The following LRBA variants were observed in gnomAD, a reference collection of about 807,000 sequenced individuals.
LRBA encodes the protein lipopolysaccharide-responsive and beige-like anchor protein.
In LRBA, 176 loss-of-function variants were observed where a neutral mutation model predicts 330.0. The ratio of observed to expected loss-of-function variants is 0.53; its 90% CI spans 0.47 to 0.60. The LOEUF (loss-of-function observed/expected upper bound fraction) is 0.60, where lower values mean the gene tolerates loss of function less well. Ranked by LOEUF, LRBA falls within the 20% of genes least tolerant of loss-of-function variation. The probability of loss-of-function intolerance (pLI) is 0.00; values close to 1 mark genes in which losing one functional copy is unlikely to be tolerated. For synonymous variants in LRBA, 1,230 were observed against 1,193.0 expected, an observed-to-expected ratio of 1.03 and a Z score of -0.64; for missense variants, 3,259 against 3,444.8, an observed-to-expected ratio of 0.95 and a Z score of 1.35.
intron 54 of LRBA, 73 bp from the exon 55 acceptor site, chr4:150,282,719 A>C: frequency 9.4e-7 from 1 of 1,060,520 alleles, no homozygotes. Context: ...TCTTGAGCAC[A>C]GATCAAACAG....
intron 2 of LRBA, among the ~76,000 whole-genome samples, chr4:150,952,443 A>C (rs753661264): frequency 1.8e-4 from 28 of 152,220 alleles, no homozygotes; most frequent in Non-Finnish European, 3.2e-4. Context: ...TTAGACAGTC[A>C]GTCTTTCATT....
chr4:150,647,857 T>A (rs950267857), intron 37 of LRBA, among the ~76,000 whole-genome samples: 1 of 151,938 alleles, frequency 6.6e-6, no homozygotes, highest in Admixed American at 6.6e-5. Flanking sequence ...TGGTTTATCA[T>A]ATTATATCAG....
At chr4:150,295,194 C>CTTTTT (rs146893381) in intron 53 of LRBA, among the ~76,000 whole-genome samples, 11 of 113,822 alleles carry the variant, frequency 9.7e-5, no homozygotes, top group African/African-American at 3.5e-4. Context: ...ATTAAAATAG[C>CTTTTT]TTTTTTTTTT....
At chr4:150,811,112 C>G (rs1743658007) in intron 31 of LRBA, among the ~76,000 whole-genome samples, 1 of 152,100 alleles carries the variant, frequency 6.6e-6, no homozygotes, top group Non-Finnish European at 1.5e-5. Flanking sequence ...CTTCACAGAC[C>G]CAATGGCTTT....
chr4:150,523,271 T>C lies in LRBA; in HGVS notation c.6331-32236A>G, dbSNP rs187686432. Among the ~76,000 whole-genome samples the C allele has an allele frequency of 6.5e-3, 985 of 152,296 alleles. 14 individuals carry two copies. The highest frequency in any genetic ancestry group is 0.022 in the African/African-American group (930 of 41,562). On this transcript the variant is annotated intron_variant, in intron 40 of 56. Transcript: ENST00000651943. ...GTGGTGAAACTTAATCTCTATTGTA[T>C]TGGGCAGTGTGGTCTTTGGAGGTGA...
At chr4:150,783,565 T>C (rs1381328943) in intron 34 of LRBA, among the ~76,000 whole-genome samples, 3 of 152,230 alleles carry the variant, frequency 2.0e-5, no homozygotes, top group Non-Finnish European at 4.4e-5. Flanking sequence ...AATTATAATC[T>C]GAGCTTCTAA....
At position 150,536,096 on chromosome 4, in the gene LRBA, A is replaced by G. The variant is rs1156540237; in HGVS notation, c.6331-45061T>C. On this transcript the variant is annotated intron_variant, in intron 40 of 56. Transcript: ENST00000651943. ...GATAAGTGCAGAGGTAGGACACTCT[A>G]CAGAACAAATGCACTGGTCTCCTCA... 2.6e-5 allele frequency among the ~76,000 whole-genome samples: 4 copies of G among 152,328 alleles called. No individual in the cohort carries two copies. The South Asian group carries it at 8.3e-4, about 32-fold the overall frequency.
intron 36 of LRBA, among the ~76,000 whole-genome samples, chr4:150,711,402 A>AT (rs1487765431): frequency 1.3e-5 from 2 of 151,520 alleles, no homozygotes; most frequent in African/African-American, 2.4e-5. Flanking sequence ...CACCCAGCTA[A>AT]TTTTTTTGTA....
chr4:150,966,926 A>G (rs1045484226), intron 2 of LRBA, among the ~76,000 whole-genome samples: 4 of 152,246 alleles, frequency 2.6e-5, no homozygotes, highest in Non-Finnish European at 5.9e-5. Context: ...CAGGAATCCC[A>G]GGCTGAGGCC....
intron 2 of LRBA, among the ~76,000 whole-genome samples, chr4:151,001,586 G>A (rs1743341706): frequency 6.6e-6 from 1 of 152,026 alleles, no homozygotes. Flanking sequence ...CTACCTGCAT[G>A]AACAACCTGC....
At chr4:150,742,116 AATTATT>A (rs377206842) in intron 35 of LRBA, among the ~76,000 whole-genome samples, 2 of 148,296 alleles carry the variant, frequency 1.3e-5, no homozygotes, top group Non-Finnish European at 3.0e-5. Flanking sequence ...GCAGGGATAG[AATTATT>A]ATTATTATCA....
intron 15 of LRBA, among the ~76,000 whole-genome samples, chr4:150,897,060 G>C (rs1730165241): frequency 6.7e-6 from 1 of 150,088 alleles, no homozygotes; most frequent in Admixed American, 6.6e-5. Context: ...CATCAGGAAC[G>C]AGCAACAAAA....
intron 44 of LRBA, among the ~76,000 whole-genome samples, chr4:150,455,820 C>G (rs1256574339): frequency 1.3e-5 from 2 of 152,074 alleles, no homozygotes; most frequent in Non-Finnish European, 2.9e-5. Flanking sequence ...TCCCTCACCA[C>G]CCTTCCCAGC....
At chr4:150,998,918 T>C (rs1743014029) in intron 2 of LRBA, among the ~76,000 whole-genome samples, 1 of 152,240 alleles carries the variant, frequency 6.6e-6, no homozygotes. Flanking sequence ...AAAAATAAGT[T>C]GGTCAATTGT....
chr4:150,725,286 T>G (rs1046774324), intron 36 of LRBA, among the ~76,000 whole-genome samples: 5 of 151,986 alleles, frequency 3.3e-5, no homozygotes, highest in African/African-American at 1.2e-4. Flanking sequence ...GAAGATTACC[T>G]CTGGGCATCT....
At chr4:150,604,819 C>A (rs1225257687) in intron 37 of LRBA, among the ~76,000 whole-genome samples, 1 of 152,116 alleles carries the variant, frequency 6.6e-6, no homozygotes, top group Admixed American at 6.6e-5. Context: ...TTCCCCTGCC[C>A]CACAATTCAA....
At chr4:150,567,096 C>T (rs533592977) in intron 40 of LRBA, among the ~76,000 whole-genome samples, 1 of 152,162 alleles carries the variant, frequency 6.6e-6, no homozygotes, top group Admixed American at 6.5e-5. Flanking sequence ...TGATTTGCTA[C>T]AAATTATTTT....
chr4:150,503,004 G>A (rs1015767403), intron 40 of LRBA, among the ~76,000 whole-genome samples: 1 of 152,236 alleles, frequency 6.6e-6, no homozygotes, highest in Non-Finnish European at 1.5e-5. Context: ...GAGGCTGGGG[G>A]AGGGGTGCCC....
chr4:150,270,460 C>CACTT (rs1366333863), intron 56 of LRBA, among the ~76,000 whole-genome samples: 15 of 152,126 alleles, frequency 9.9e-5, no homozygotes, highest in African/African-American at 3.6e-4. Context: ...TGTATGATTC[C>CACTT]ACTTAACAGA....
Sources: gnomAD v4.1 joint callset for allele counts (sites outside exome capture counted in the v4.1 genomes callset) on GRCh38, gnomAD v4.1.1 for gene constraint, MANE v1.5 for transcripts, NCBI Gene and HGNC (gene_info 2026-07-23, HGNC 2026-07-21) for gene names.